The following CCBE1 variants were observed in gnomAD, a reference collection of about 807,000 sequenced individuals.
The protein encoded by CCBE1 is collagen and calcium-binding EGF domain-containing protein 1.
Under a neutral mutation model 50.0 loss-of-function variants are expected in CCBE1, and 37 were observed. The ratio of observed to expected loss-of-function variants is 0.74; its 90% CI spans 0.57 to 0.97. The LOEUF (loss-of-function observed/expected upper bound fraction) is 0.97, where lower values mean the gene tolerates loss of function less well. Among genes scored for constraint, CCBE1 ranks in the 50% least tolerant of loss-of-function variants. The pLI is 0.00. For missense variants in CCBE1, 538 were observed against 523.8 expected, an observed-to-expected ratio of 1.03 and a Z score of -0.26; for synonymous variants, 234 against 203.7, an observed-to-expected ratio of 1.15 and a Z score of -1.27.
At chr18:59,598,389 C>A (rs1264165188) in intron 2 of CCBE1, among the ~76,000 whole-genome samples, 2 of 152,172 alleles carry the variant, frequency 1.3e-5, no homozygotes, top group Admixed American at 1.3e-4. Context: ...TCTGCACCAG[C>A]CACATGTGCT....
chr18:59,527,187 T>C (rs376319382), intron 2 of CCBE1, among the ~76,000 whole-genome samples: 2 of 152,366 alleles, frequency 1.3e-5, no homozygotes, highest in East Asian at 3.9e-4. Flanking sequence ...AGTGCTCCTG[T>C]ACTGGGTGCA....
chr18:59,472,830 TG>T, intron 3 of CCBE1, among the ~76,000 whole-genome samples: 1 of 152,356 alleles, frequency 6.6e-6, no homozygotes. Context: ...CAGATCCACA[TG>T]GCTGGGGAGG....
chr18:59,471,073 C>T (rs968797880), intron 3 of CCBE1, among the ~76,000 whole-genome samples: 4 of 152,204 alleles, frequency 2.6e-5, no homozygotes, highest in African/African-American at 9.7e-5. Context: ...TGTTGGAGAG[C>T]GTGATCCTGG....
At chr18:59,690,680 A>G (rs1259151662) in intron 2 of CCBE1, among the ~76,000 whole-genome samples, 1 of 152,378 alleles carries the variant, frequency 6.6e-6, no homozygotes, top group South Asian at 2.1e-4. Flanking sequence ...CACCAGTGAA[A>G]GAGCAGCCTT....
chr18:59,677,416 G>A (rs1244840064), intron 2 of CCBE1, among the ~76,000 whole-genome samples: 1 of 152,108 alleles, frequency 6.6e-6, no homozygotes, highest in African/African-American at 2.4e-5. Context: ...ACTTGGACCT[G>A]TCGTCTTTGA....
chr18:59,514,877 G>A (rs1001709973), intron 2 of CCBE1, among the ~76,000 whole-genome samples: 2 of 151,874 alleles, frequency 1.3e-5, no homozygotes, highest in African/African-American at 2.4e-5. Flanking sequence ...CTATAATTCC[G>A]ATTTCTGAGT....
At chr18:59,557,384 C>A (rs1268316183) in intron 2 of CCBE1, among the ~76,000 whole-genome samples, 1 of 152,112 alleles carries the variant, frequency 6.6e-6, no homozygotes, top group Non-Finnish European at 1.5e-5. Context: ...GATTCCCTAA[C>A]TGATACACAT....
chr18:59,695,588 C>T (rs1352872211), intron 2 of CCBE1, among the ~76,000 whole-genome samples: 2 of 152,148 alleles, frequency 1.3e-5, no homozygotes, highest in Non-Finnish European at 2.9e-5. Flanking sequence ...AGCCGTGGAA[C>T]CACTTGGTCT....
At chr18:59,551,025 A>AAG (rs1915905018) in intron 2 of CCBE1, among the ~76,000 whole-genome samples, 2 of 114,848 alleles carry the variant, frequency 1.7e-5, no homozygotes, top group South Asian at 3.3e-4. Context: ...AAAAAAAAAA[A>AAG]AAAAGAAAAG....
chr18:59,602,563 A>C (rs997763743), intron 2 of CCBE1, among the ~76,000 whole-genome samples: 6 of 152,244 alleles, frequency 3.9e-5, no homozygotes, highest in Non-Finnish European at 8.8e-5. Context: ...AAATACATAT[A>C]ATACAAAAAG....
At chr18:59,667,438 C>A (rs1212514117) in intron 2 of CCBE1, among the ~76,000 whole-genome samples, 3 of 152,178 alleles carry the variant, frequency 2.0e-5, no homozygotes, top group East Asian at 3.9e-4. Flanking sequence ...GAATGCCAAC[C>A]CAGGACATGA....
At chr18:59,547,746 G>A (rs900590020) in intron 2 of CCBE1, among the ~76,000 whole-genome samples, 2 of 152,184 alleles carry the variant, frequency 1.3e-5, no homozygotes, top group Non-Finnish European at 2.9e-5. Flanking sequence ...TATGCAAACA[G>A]TGAGACCTCC....
intron 9 of CCBE1, among the ~76,000 whole-genome samples, chr18:59,438,651 A>G (rs1910268802): frequency 6.6e-6 from 1 of 152,246 alleles, no homozygotes; most frequent in African/African-American, 2.4e-5. Flanking sequence ...TACAGGGGTC[A>G]CTTTTCCTAT....
At chr18:59,573,543 G>T (rs2052949290) in intron 2 of CCBE1, among the ~76,000 whole-genome samples, 1 of 151,606 alleles carries the variant, frequency 6.6e-6, no homozygotes, top group African/African-American at 2.4e-5. Context: ...GTTTCTCTGA[G>T]GACTCCTGAC....
At chr18:59,680,486 C>T (rs1336143803) in intron 2 of CCBE1, among the ~76,000 whole-genome samples, 1 of 151,962 alleles carries the variant, frequency 6.6e-6, no homozygotes. Context: ...ATCACGAGGT[C>T]AGGAGATCAA....
At chr18:59,622,168 G>T (rs2053719170) in intron 2 of CCBE1, among the ~76,000 whole-genome samples, 2 of 152,304 alleles carry the variant, frequency 1.3e-5, no homozygotes, top group Non-Finnish European at 2.9e-5. Context: ...TTACAAGGGT[G>T]TTCAAGAGGA....
At chr18:59,546,878 G>C (rs1230717952) in intron 2 of CCBE1, among the ~76,000 whole-genome samples, 1 of 152,106 alleles carries the variant, frequency 6.6e-6, no homozygotes, top group Non-Finnish European at 1.5e-5. Context: ...AATCTGTGGA[G>C]CTTGGCCATT....
chr18:59,660,118 A>G (rs9959544), intron 2 of CCBE1, among the ~76,000 whole-genome samples: 63,876 of 152,070 alleles, frequency 0.42, 14,661 homozygotes, highest in African/African-American at 0.61. Flanking sequence ...GTGGGCACCC[A>G]GCTGAGAGTG....
intron 2 of CCBE1, among the ~76,000 whole-genome samples, chr18:59,546,283 G>A (rs1029604049): frequency 6.6e-6 from 1 of 152,100 alleles, no homozygotes; most frequent in Non-Finnish European, 1.5e-5. Flanking sequence ...CTGCCTGTTC[G>A]TATCTGTAGT....
Sources: gnomAD v4.1 joint callset for allele counts (sites outside exome capture counted in the v4.1 genomes callset) on GRCh38, gnomAD v4.1.1 for gene constraint, MANE v1.5 for transcripts, NCBI Gene and HGNC (gene_info 2026-07-23, HGNC 2026-07-21) for gene names.